Variants in RNF144A observed in about 807,000 individuals in gnomAD.
RNF144A encodes the protein ring finger protein 144A.
Under a neutral mutation model 38.7 loss-of-function variants are expected in RNF144A, and 11 were observed. The ratio of observed to expected loss-of-function variants is 0.28; its 90% CI spans 0.18 to 0.47. The LOEUF (loss-of-function observed/expected upper bound fraction) is 0.47, where lower values mean the gene tolerates loss of function less well. RNF144A is among the 20% of genes least tolerant of loss of function. The pLI, the probability that RNF144A is intolerant of heterozygous loss-of-function variation, is 0.99. For missense variants in RNF144A, 316 were observed against 377.2 expected (o/e 0.84, Z 1.34); for synonymous variants, 149 against 143.9 (o/e 1.04, Z -0.25).
At chr2:7,030,875 C>T (rs1275483459) in intron 8 of RNF144A, among the ~76,000 whole-genome samples, 1 of 151,926 alleles carries the variant, frequency 6.6e-6, no homozygotes, top group African/African-American at 2.4e-5. Flanking sequence ...ATGGTCCCAT[C>T]TGAGGGTGAT....
intron 2 of RNF144A, among the ~76,000 whole-genome samples, chr2:6,986,228 C>T (rs1668954077): frequency 6.6e-6 from 1 of 152,024 alleles, no homozygotes; most frequent in Admixed American, 6.5e-5. Context: ...TCAGTCATTC[C>T]CAAAGCTTGC....
chr2:6,970,042 A>G (rs887892615), intron 2 of RNF144A, among the ~76,000 whole-genome samples: 4 of 152,184 alleles, frequency 2.6e-5, no homozygotes, highest in South Asian at 2.1e-4. Flanking sequence ...TTACAGGCGT[A>G]AGCCACCGCG....
intron 7 of RNF144A, 33 bp from the exon 8 acceptor site, chr2:7,030,093 C>A: frequency 2.1e-6 from 3 of 1,453,618 alleles, no homozygotes; most frequent in Non-Finnish European, 2.9e-6. Context: ...AGGAACCACT[C>A]GTTCATGCCG....
chr2:7,069,721 T>G (rs970411310), downstream of RNF144A, among the ~76,000 whole-genome samples: 2 of 152,256 alleles, frequency 1.3e-5, no homozygotes, highest in African/African-American at 4.8e-5. Flanking sequence ...ACAGGTAATT[T>G]GAGTTCAGGG....
downstream of RNF144A, among the ~76,000 whole-genome samples, chr2:7,071,820 T>A (rs1674494602): frequency 6.6e-6 from 1 of 152,228 alleles, no homozygotes; most frequent in Non-Finnish European, 1.5e-5. Flanking sequence ...TTACCACCAG[T>A]TTGCTTTAAA....
chr2:7,024,355 C>T lies in RNF144A; in HGVS notation c.510-14C>T, dbSNP rs557013278. 20 of 1,592,308 alleles carry T rather than the reference C, an allele frequency of 1.3e-5. No homozygotes were observed. In the East Asian group the frequency reaches 1.8e-4, roughly 14 times the overall value. ...ATCCGTTTGTGCAGAGTCCTCACGGCGTTTCTCCCACAGTGCTGCTTTCAA... is the reference window on the plus strand; with the variant it reads ...ATCCGTTTGTGCAGAGTCCTCACGGTGTTTCTCCCACAGTGCTGCTTTCAA... On this transcript the variant is annotated splice_polypyrimidine_tract_variant and intron_variant, in intron 6 of 8. Coordinates refer to ENST00000320892, the MANE Select transcript of RNF144A (RefSeq NM_014746.6).
At chr2:7,030,034 G>A (rs1191302609) in intron 7 of RNF144A, 92 bp from the exon 8 acceptor site, 8 of 886,412 alleles carry the variant, frequency 9.0e-6, no homozygotes, top group Non-Finnish European at 1.5e-5. Context: ...CTTATCATGA[G>A]CATAGGAGAA....
intron 2 of RNF144A, among the ~76,000 whole-genome samples, chr2:6,953,798 C>A (rs1207033759): frequency 6.6e-6 from 1 of 152,094 alleles, no homozygotes. Context: ...TCTACATTTT[C>A]ACTAGTTTTG....
downstream of RNF144A, among the ~76,000 whole-genome samples, chr2:7,045,102 T>C (rs1457455504): frequency 6.6e-6 from 1 of 152,228 alleles, no homozygotes; most frequent in East Asian, 1.9e-4. Context: ...AAGTAGGAAC[T>C]AGCCAAGCAA....
chr2:6,942,669 C>T (rs1395922783), intron 2 of RNF144A, among the ~76,000 whole-genome samples: 1 of 152,126 alleles, frequency 6.6e-6, no homozygotes, highest in Non-Finnish European at 1.5e-5. Context: ...AGGTTGCAGC[C>T]AGAGAAGGTT....
intron 8 of RNF144A, among the ~76,000 whole-genome samples, chr2:7,031,867 C>A (rs549468274): frequency 1.4e-4 from 22 of 152,356 alleles, no homozygotes; most frequent in African/African-American, 5.1e-4. Flanking sequence ...CTCCACCTGG[C>A]GGCACAGAAG....
At chr2:7,071,234 C>G (rs114377134), downstream of RNF144A, among the ~76,000 whole-genome samples, 399 of 152,302 alleles carry the variant, frequency 2.6e-3, 1 homozygote, top group African/African-American at 9.3e-3. Context: ...CCGTGCCTGG[C>G]CTTTGCTGTG....
intron 2 of RNF144A, among the ~76,000 whole-genome samples, chr2:6,961,349 G>T (rs1483100532): frequency 6.6e-6 from 1 of 151,996 alleles, no homozygotes; most frequent in Non-Finnish European, 1.5e-5. Context: ...TTTCTGAGGG[G>T]TGGAGGCGTT....
intron 2 of RNF144A, among the ~76,000 whole-genome samples, chr2:6,967,303 A>G (rs940728197): frequency 6.6e-6 from 1 of 152,262 alleles, no homozygotes; most frequent in Non-Finnish European, 1.5e-5. Flanking sequence ...TGAAACATGT[A>G]ATTCTTCATC....
At chr2:6,989,663 G>C (rs1464335763) in intron 2 of RNF144A, among the ~76,000 whole-genome samples, 1 of 151,796 alleles carries the variant, frequency 6.6e-6, no homozygotes, top group Non-Finnish European at 1.5e-5. Flanking sequence ...GTTTTGATAC[G>C]TGCAGAATGT....
At chr2:6,963,087 T>C (rs1032492153) in intron 2 of RNF144A, among the ~76,000 whole-genome samples, 15 of 152,216 alleles carry the variant, frequency 9.9e-5, no homozygotes, top group Admixed American at 7.9e-4. Flanking sequence ...GTTTGAGATA[T>C]TGGAGGACAT....
At chr2:7,058,391 GA>G (rs957551865) in intron 6 of RNF144A, among the ~76,000 whole-genome samples, 7 of 150,206 alleles carry the variant, frequency 4.7e-5, no homozygotes, top group African/African-American at 1.2e-4. Flanking sequence ...TCTTATTCTG[GA>G]AAAAAAATTG....
At chr2:7,002,725 C>A (rs935191951) in intron 3 of RNF144A, among the ~76,000 whole-genome samples, 1 of 152,130 alleles carries the variant, frequency 6.6e-6, no homozygotes, top group Non-Finnish European at 1.5e-5. Context: ...ATTTACTATT[C>A]TGTACTTTTT....
At chr2:6,934,889 A>G (rs898508474) in intron 1 of RNF144A, among the ~76,000 whole-genome samples, 6 of 152,226 alleles carry the variant, frequency 3.9e-5, no homozygotes, top group African/African-American at 1.4e-4. Context: ...ATTTTGCAGT[A>G]GCTGTGCTTT....
Sources: gnomAD v4.1 joint callset for allele counts (sites outside exome capture counted in the v4.1 genomes callset) on GRCh38, gnomAD v4.1.1 for gene constraint, MANE v1.5 for transcripts, NCBI Gene and HGNC (gene_info 2026-07-23, HGNC 2026-07-21) for gene names.